Variants in VSNL1 observed in about 807,000 individuals in gnomAD.
The protein encoded by VSNL1 is visinin like 1.
A neutral mutation model predicts 20.4 loss-of-function variants in VSNL1; 6 were observed. The observed-to-expected ratio is 0.29, with a 90% CI of 0.16 to 0.58. The LOEUF is 0.58. Ranked by LOEUF, VSNL1 falls within the 20% of genes least tolerant of loss-of-function variation. VSNL1 has a pLI of 0.90. For synonymous variants in VSNL1, 93 were observed against 86.4 expected (o/e 1.08, Z -0.42); for missense variants, 100 against 234.5 (o/e 0.43, Z 3.75).
intron 2 of VSNL1, among the ~76,000 whole-genome samples, chr2:17,594,039 G>A (rs1664654877): frequency 6.6e-6 from 1 of 152,212 alleles, no homozygotes; most frequent in Non-Finnish European, 1.5e-5. Context: ...AAAATGAGAG[G>A]GGTATTGCCT....
At chr2:17,595,653 G>C (rs192612462) in intron 2 of VSNL1, among the ~76,000 whole-genome samples, 9 of 152,254 alleles carry the variant, frequency 5.9e-5, no homozygotes, top group East Asian at 5.8e-4. Context: ...TGTATTTGCA[G>C]ACAGATCCTT....
intron 1 of VSNL1, among the ~76,000 whole-genome samples, chr2:17,574,152 A>G (rs1169190916): frequency 6.6e-6 from 1 of 152,168 alleles, no homozygotes; most frequent in Non-Finnish European, 1.5e-5. Flanking sequence ...CCTGCAAGTC[A>G]TAACTGACCC....
chr2:17,615,673 T>C (rs919331709), intron 2 of VSNL1, among the ~76,000 whole-genome samples: 14 of 152,368 alleles, frequency 9.2e-5, no homozygotes, highest in African/African-American at 3.1e-4. Flanking sequence ...TCATGACTTC[T>C]GAACATCTCT....
intron 2 of VSNL1, among the ~76,000 whole-genome samples, chr2:17,612,826 C>T (rs1665121834): frequency 2.0e-5 from 3 of 152,174 alleles, no homozygotes; most frequent in Admixed American, 6.5e-5. Context: ...GCCCATTCTA[C>T]AGTACATTCA....
intron 1 of VSNL1, among the ~76,000 whole-genome samples, chr2:17,561,518 A>G (rs1037811315): frequency 7.2e-5 from 11 of 152,308 alleles, no homozygotes; most frequent in African/African-American, 2.6e-4. Context: ...GTATTAAGCA[A>G]TTTTACTCCA....
intron 1 of VSNL1, among the ~76,000 whole-genome samples, chr2:17,589,998 G>A (rs1367337688): frequency 6.6e-6 from 1 of 152,132 alleles, no homozygotes; most frequent in Non-Finnish European, 1.5e-5. Context: ...TCTATGATTG[G>A]ACATTGGAGT....
At chr2:17,589,889 G>A (rs1324434319) in intron 1 of VSNL1, among the ~76,000 whole-genome samples, 1 of 152,194 alleles carries the variant, frequency 6.6e-6, no homozygotes, top group Non-Finnish European at 1.5e-5. Context: ...CTGGCAAAGT[G>A]ATCCTTTTTC....
chr2:17,581,249 T>C (rs1664342780), intron 1 of VSNL1, among the ~76,000 whole-genome samples: 1 of 152,226 alleles, frequency 6.6e-6, no homozygotes, highest in Non-Finnish European at 1.5e-5. Flanking sequence ...TTCCCTTTAT[T>C]TGCTATGCTC....
chr2:17,592,224 G>A lies in VSNL1; in HGVS notation c.150G>A (p.Gln50=). ...SGRLNLEEFQ[Q]LYVKFFPYGD... ...GGCTAAATCTCGAGGAATTTCAGCA[G>A]CTCTATGTGAAGGTAAGTTGTTTTT... The change falls in exon 2 of 4, where the codon CAG becomes CAA. Residue 50 remains glutamine, a synonymous_variant. Transcript: ENST00000295156. The A allele has an allele frequency of 6.2e-7, 1 of 1,613,638 alleles. No homozygotes were observed.
intron 2 of VSNL1, among the ~76,000 whole-genome samples, chr2:17,637,362 C>T (rs917798553): frequency 3.3e-5 from 5 of 152,048 alleles, no homozygotes; most frequent in Admixed American, 1.3e-4. Context: ...GGGCTGCAGC[C>T]GGCAGAGTCT....
At chr2:17,541,409 C>T (rs1178600648) in intron 1 of VSNL1, 1 of 152,054 alleles carries the variant, frequency 6.6e-6, no homozygotes, top group Non-Finnish European at 1.5e-5. Flanking sequence ...GATCTCTGAG[C>T]GGGATGTTAG....
intron 2 of VSNL1, among the ~76,000 whole-genome samples, chr2:17,611,803 C>T (rs568852367): frequency 1.3e-5 from 2 of 152,316 alleles, no homozygotes; most frequent in African/African-American, 4.8e-5. Flanking sequence ...CCTGCTCCCC[C>T]AAATGTCTCT....
intron 1 of VSNL1, among the ~76,000 whole-genome samples, chr2:17,548,569 G>A (rs1000741157): frequency 6.6e-6 from 1 of 152,106 alleles, no homozygotes; most frequent in Non-Finnish European, 1.5e-5. Flanking sequence ...ATATAGTGAT[G>A]TGTATATAGC....
intron 2 of VSNL1, among the ~76,000 whole-genome samples, chr2:17,629,292 C>T (rs963313443): frequency 6.6e-6 from 1 of 152,172 alleles, no homozygotes; most frequent in Non-Finnish European, 1.5e-5. Flanking sequence ...AACCATATGC[C>T]CCTTCCGTGT....
At chr2:17,552,011 A>C (rs1663550032) in intron 1 of VSNL1, among the ~76,000 whole-genome samples, 1 of 150,062 alleles carries the variant, frequency 6.7e-6, no homozygotes, top group Non-Finnish European at 1.5e-5. Context: ...ATCCTGGCTA[A>C]CACGGTGAAA....
At chr2:17,628,480 A>G (rs114853305) in intron 2 of VSNL1, among the ~76,000 whole-genome samples, 1,716 of 150,790 alleles carry the variant, frequency 0.011, 27 homozygotes, top group African/African-American at 0.039. Flanking sequence ...GAAGAGTGAC[A>G]TTGTGGTTTT....
At chr2:17,573,146 CG>C (rs373353487) in intron 1 of VSNL1, among the ~76,000 whole-genome samples, 222 of 152,290 alleles carry the variant, frequency 1.5e-3, no homozygotes, top group African/African-American at 5.0e-3. Flanking sequence ...TCGACAAGTG[CG>C]TACTATGCTG....
At chr2:17,563,309 T>A (rs1049106280) in intron 1 of VSNL1, among the ~76,000 whole-genome samples, 1 of 152,220 alleles carries the variant, frequency 6.6e-6, no homozygotes, top group Non-Finnish European at 1.5e-5. Flanking sequence ...ATTAATGTGC[T>A]TCATTATCCA....
At chr2:17,575,632 T>C (rs1425531776) in intron 1 of VSNL1, among the ~76,000 whole-genome samples, 2 of 151,930 alleles carry the variant, frequency 1.3e-5, no homozygotes, top group Non-Finnish European at 2.9e-5. Context: ...GCCTCCCAGG[T>C]TCAAGCGATT....
Sources: allele counts gnomAD v4.1 joint callset (sites outside exome capture counted in the v4.1 genomes callset), GRCh38; gene constraint gnomAD v4.1.1; transcripts MANE v1.5; gene names NCBI Gene and HGNC (gene_info 2026-07-23, HGNC 2026-07-21).